DRC11: variants seen among roughly 807,000 people sequenced by gnomAD.
DRC11 encodes dynein regulatory complex subunit 11.
chr2:236,357,720 A>AAT, the DRC11 span, among the ~76,000 whole-genome samples: 1 of 126,648 alleles, frequency 7.9e-6, no homozygotes, highest in East Asian at 2.3e-4. Flanking sequence ...ATGTATTTAT[A>AAT]ATATATAAAT....
the DRC11 span, chr2:236,407,814 G>T: frequency 6.9e-6 from 2 of 288,252 alleles, no homozygotes; most frequent in Non-Finnish European, 1.4e-5. Flanking sequence ...CTTTTAGTGA[G>T]ACCTCAGCAG....
chr2:236,343,612 T>C, the DRC11 span: 1 of 760,582 alleles, frequency 1.3e-6, no homozygotes, highest in South Asian at 1.4e-5. The surrounding 1 kb of genome is among the most constrained non-coding windows in gnomAD (Gnocchi z 6.6). Flanking sequence ...TCCAGGTGTG[T>C]GACACGTGAG....
At chr2:236,460,854 A>C in the DRC11 span, among the ~76,000 whole-genome samples, 2 of 152,180 alleles carry the variant, frequency 1.3e-5, no homozygotes, top group Non-Finnish European at 2.9e-5. The surrounding 1 kb of genome is among the most constrained non-coding windows in gnomAD (Gnocchi z 4.0). Context: ...TCCCAGGTTC[A>C]AGCAATCCTC....
chr2:236,402,366 TTTTCAGCTTTGCA>T, the DRC11 span, among the ~76,000 whole-genome samples: 1 of 152,206 alleles, frequency 6.6e-6, no homozygotes, highest in Non-Finnish European at 1.5e-5. This position sits in a 1 kb window ranked among gnomAD's most constrained non-coding sequence, Gnocchi z 6.0. Context: ...ACCACGTCTT[TTTTCAGCTTTGCA>T]TTTCAGCTTT....
the DRC11 span, among the ~76,000 whole-genome samples, chr2:236,451,244 C>T: frequency 1.3e-5 from 2 of 152,032 alleles, no homozygotes; most frequent in Admixed American, 6.6e-5. Flanking sequence ...CAAAGGTCAT[C>T]TACATTGTCC....
the DRC11 span, chr2:236,488,145 ATTAAT>A: frequency 1.8e-5 from 29 of 1,608,308 alleles, no homozygotes; most frequent in Non-Finnish European, 2.2e-5. Flanking sequence ...AGCAATCTGG[ATTAAT>A]TTAACAGCCT....
the DRC11 span, among the ~76,000 whole-genome samples, chr2:236,318,014 A>C: frequency 4.2e-4 from 64 of 152,324 alleles, no homozygotes; most frequent in African/African-American, 1.5e-3. The surrounding 1 kb of genome is among the most constrained non-coding windows in gnomAD (Gnocchi z 7.0). Flanking sequence ...GGTGCGGTGT[A>C]GGGGAGCCAC....
the DRC11 span, among the ~76,000 whole-genome samples, chr2:236,354,301 G>A: frequency 1.3e-5 from 2 of 152,010 alleles, no homozygotes; most frequent in Non-Finnish European, 2.9e-5. Flanking sequence ...GTGTGTACAT[G>A]TGTGCATGTG....
chr2:236,351,483 C>G, the DRC11 span, among the ~76,000 whole-genome samples: 1 of 152,194 alleles, frequency 6.6e-6, no homozygotes, highest in Non-Finnish European at 1.5e-5. This position sits in a 1 kb window ranked among gnomAD's most constrained non-coding sequence, Gnocchi z 7.3. Context: ...TGGGGAGCAC[C>G]TGGCACTTCT....
the DRC11 span, among the ~76,000 whole-genome samples, chr2:236,335,754 T>C: frequency 6.6e-6 from 1 of 151,688 alleles, no homozygotes; most frequent in Non-Finnish European, 1.5e-5. This position sits in a 1 kb window ranked among gnomAD's most constrained non-coding sequence, Gnocchi z 5.6. Context: ...ATAGATACCA[T>C]ACAAAAAAGG....
chr2:236,454,415 T>C, the DRC11 span, among the ~76,000 whole-genome samples: 12 of 152,180 alleles, frequency 7.9e-5, no homozygotes, highest in Admixed American at 7.8e-4. The surrounding 1 kb of genome is among the most constrained non-coding windows in gnomAD (Gnocchi z 5.3). Context: ...CCTAATATCT[T>C]TTCCACCAAA....
At chr2:236,463,018 C>G in the DRC11 span, among the ~76,000 whole-genome samples, 21 of 152,054 alleles carry the variant, frequency 1.4e-4, no homozygotes, top group Admixed American at 2.6e-4. This position sits in a 1 kb window ranked among gnomAD's most constrained non-coding sequence, Gnocchi z 5.0. Context: ...ATACCACGAG[C>G]AGGAGTGGGA....
chr2:236,334,761 A>G, the DRC11 span, among the ~76,000 whole-genome samples: 1 of 152,050 alleles, frequency 6.6e-6, no homozygotes, highest in South Asian at 2.1e-4. The surrounding 1 kb of genome is among the most constrained non-coding windows in gnomAD (Gnocchi z 7.8). Context: ...TGAGCTTCTG[A>G]CCCTCTGAAG....
the DRC11 span, among the ~76,000 whole-genome samples, chr2:236,502,548 C>CAAAAAAA: frequency 3.1e-3 from 47 of 15,088 alleles, 6 homozygotes; most frequent in African/African-American, 4.5e-3. Context: ...TGCACTCCAG[C>CAAAAAAA]AAAAAAAAAA....
the DRC11 span, among the ~76,000 whole-genome samples, chr2:236,326,042 G>T: frequency 6.6e-6 from 1 of 152,202 alleles, no homozygotes; most frequent in African/African-American, 2.4e-5. Context: ...GGTTGTTAAA[G>T]AGATGTCTGA....
chr2:236,497,114 T>C, the DRC11 span: 1 of 1,386,850 alleles, frequency 7.2e-7, no homozygotes, highest in Non-Finnish European at 9.7e-7. This position sits in a 1 kb window ranked among gnomAD's most constrained non-coding sequence, Gnocchi z 5.1. Flanking sequence ...GTACATATCT[T>C]ATTTATAACA....
the DRC11 span, among the ~76,000 whole-genome samples, chr2:236,441,408 G>A: frequency 4.0e-5 from 6 of 150,728 alleles, no homozygotes; most frequent in Non-Finnish European, 7.4e-5. Flanking sequence ...GAGATGCTCT[G>A]TGTTTAAGAA....
chr2:236,340,999 C>G, the DRC11 span, among the ~76,000 whole-genome samples: 3 of 152,318 alleles, frequency 2.0e-5, no homozygotes, highest in East Asian at 3.9e-4. Context: ...CAGCAAACCA[C>G]CCCATGATCA....
the DRC11 span, among the ~76,000 whole-genome samples, chr2:236,406,997 G>A: frequency 3.9e-5 from 6 of 151,958 alleles, no homozygotes; most frequent in African/African-American, 1.2e-4. This position sits in a 1 kb window ranked among gnomAD's most constrained non-coding sequence, Gnocchi z 4.7. Flanking sequence ...CGCCTGCCTC[G>A]GCCTCCCAAA....
Sources: allele counts gnomAD v4.1 joint callset (sites outside exome capture counted in the v4.1 genomes callset), GRCh38; gene constraint gnomAD v4.1.1; non-coding constraint Gnocchi (gnomAD v3.1); transcripts MANE v1.5; gene names NCBI Gene and HGNC (gene_info 2026-07-23, HGNC 2026-07-21).